SAMD5: variants seen among roughly 807,000 people sequenced by gnomAD.
SAMD5 encodes sterile alpha motif domain containing 5, also known as sterile alpha motif domain-containing protein 5.
A neutral mutation model predicts 11.3 loss-of-function variants in SAMD5; 13 were observed. The ratio of observed to expected loss-of-function variants is 1.15; its 90% CI spans 0.75 to 1.83. The LOEUF is 1.83. Ranked by LOEUF, SAMD5 falls within the 40% of genes most tolerant of loss-of-function variation. The probability of loss-of-function intolerance (pLI) is 0.00; values close to 1 mark genes in which losing one functional copy is unlikely to be tolerated. For missense variants in SAMD5, 255 were observed against 239.1 expected (o/e 1.07, Z -0.44); for synonymous variants, 129 against 111.3 (o/e 1.16, Z -1.00).
In SAMD5 at chr6:147,523,804, T is replaced by C. The variant is rs145096127; in HGVS notation, c.459+14417T>C. On this transcript the variant is annotated intron_variant, in intron 1 of 1. Transcript: ENST00000367474. ...CTAATCTGTTAATTACCTGCACAGCTGGTCCTGTAGTCACTGTCATTTATA... is the reference window on the plus strand; with the variant it reads ...CTAATCTGTTAATTACCTGCACAGCCGGTCCTGTAGTCACTGTCATTTATA... Among the ~76,000 whole-genome samples the C allele has an allele frequency of 4.1e-3, 618 of 152,318 alleles. 8 individuals carry two copies. The highest frequency in any genetic ancestry group is 2.8e-3 in the Non-Finnish European group (193 of 68,022).
the SAMD5 span, among the ~76,000 whole-genome samples, chr6:147,842,788 T>C: frequency 6.6e-6 from 1 of 152,234 alleles, no homozygotes; most frequent in African/African-American, 2.4e-5. Context: ...TATCTTGAAA[T>C]AGGCATTTGT....
the SAMD5 span, among the ~76,000 whole-genome samples, chr6:147,875,563 G>A: frequency 6.2e-4 from 94 of 152,246 alleles, no homozygotes; most frequent in African/African-American, 2.0e-3. Flanking sequence ...CCAGCCCCTG[G>A]TCTGTGGCCT....
At chr6:147,875,418 T>C in the SAMD5 span, among the ~76,000 whole-genome samples, 1 of 152,114 alleles carries the variant, frequency 6.6e-6, no homozygotes. Flanking sequence ...CCCACATGCC[T>C]CTAGTATGCA....
At chr6:147,853,676 AT>A in the SAMD5 span, among the ~76,000 whole-genome samples, 1 of 150,220 alleles carries the variant, frequency 6.7e-6, no homozygotes, top group South Asian at 2.1e-4. Flanking sequence ...CAAAAGCTTC[AT>A]TCATTAATTT....
chr6:147,619,028 C>A (rs976181688), intron 1 of SAMD5, among the ~76,000 whole-genome samples: 1 of 152,206 alleles, frequency 6.6e-6, no homozygotes. Flanking sequence ...TGGCCTTAAG[C>A]AGTCCTTCCT....
At chr6:147,784,064 C>T in the SAMD5 span, among the ~76,000 whole-genome samples, 1 of 152,172 alleles carries the variant, frequency 6.6e-6, no homozygotes, top group African/African-American at 2.4e-5. Flanking sequence ...TATCCTACTG[C>T]TTTCATTTCT....
chr6:147,706,218 T>A (rs1791323151), intron 1 of SAMD5, among the ~76,000 whole-genome samples: 1 of 151,972 alleles, frequency 6.6e-6, no homozygotes, highest in Admixed American at 6.6e-5. Flanking sequence ...CAAATCTGGG[T>A]TTTTTTGTTT....
At chr6:147,596,980 CT>C in intron 1 of SAMD5, among the ~76,000 whole-genome samples, 1 of 152,232 alleles carries the variant, frequency 6.6e-6, no homozygotes. Flanking sequence ...CATTTGAGGA[CT>C]TTTCTCTTGT....
chr6:147,924,407 C>T, the SAMD5 span, among the ~76,000 whole-genome samples: 4 of 152,202 alleles, frequency 2.6e-5, no homozygotes, highest in Admixed American at 2.6e-4. Context: ...TGTAATTTAA[C>T]CAAGTTATAA....
At chr6:147,776,754 A>T in the SAMD5 span, among the ~76,000 whole-genome samples, 4 of 152,180 alleles carry the variant, frequency 2.6e-5, no homozygotes, top group Non-Finnish European at 5.9e-5. Context: ...GTGACAAGGG[A>T]TGGAGAACAA....
intron 1 of SAMD5, among the ~76,000 whole-genome samples, chr6:147,696,886 G>A (rs1487257124): frequency 6.6e-6 from 1 of 152,142 alleles, no homozygotes; most frequent in Admixed American, 6.5e-5. Flanking sequence ...GGCCACTGGG[G>A]TAGAGATTAA....
chr6:147,886,909 T>A, the SAMD5 span, among the ~76,000 whole-genome samples: 1 of 152,182 alleles, frequency 6.6e-6, no homozygotes, highest in African/African-American at 2.4e-5. Flanking sequence ...CCAATAACTT[T>A]AGTGAGCTTG....
the SAMD5 span, among the ~76,000 whole-genome samples, chr6:147,950,421 C>T: frequency 6.6e-6 from 1 of 152,192 alleles, no homozygotes; most frequent in Non-Finnish European, 1.5e-5. Context: ...ACCCACTCAG[C>T]TGCATCAAGG....
At chr6:147,716,281 C>T (rs1441324263) in intron 1 of SAMD5, among the ~76,000 whole-genome samples, 3 of 152,246 alleles carry the variant, frequency 2.0e-5, no homozygotes, top group Non-Finnish European at 4.4e-5. Context: ...GTGCACACAT[C>T]TGGCTGGGCT....
At chr6:147,605,670 C>T (rs1789688696) in intron 1 of SAMD5, among the ~76,000 whole-genome samples, 1 of 152,124 alleles carries the variant, frequency 6.6e-6, no homozygotes, top group Non-Finnish European at 1.5e-5. Context: ...GACTTACCCC[C>T]TTTATGCTTT....
At chr6:147,838,198 T>C in the SAMD5 span, among the ~76,000 whole-genome samples, 5,447 of 152,250 alleles carry the variant, frequency 0.036, 137 homozygotes, top group African/African-American at 0.061. Context: ...TCAGCAAGTA[T>C]GGAACAGAAG....
At chr6:147,641,482 G>A (rs180768019) in intron 1 of SAMD5, among the ~76,000 whole-genome samples, 4 of 152,138 alleles carry the variant, frequency 2.6e-5, no homozygotes, top group South Asian at 4.2e-4. Context: ...GCAGGGGCAC[G>A]TCGCAGACAT....
intron 1 of SAMD5, among the ~76,000 whole-genome samples, chr6:147,554,762 G>C (rs1333665246): frequency 3.9e-5 from 6 of 152,102 alleles, no homozygotes; most frequent in Non-Finnish European, 8.8e-5. Context: ...CATTTGAATG[G>C]GCAGAATTCT....
chr6:147,936,940 C>G, the SAMD5 span, among the ~76,000 whole-genome samples: 1 of 152,100 alleles, frequency 6.6e-6, no homozygotes, highest in African/African-American at 2.4e-5. Flanking sequence ...TGGGCATGAA[C>G]AGGGACTGTG....
Sources: gnomAD v4.1 joint callset for allele counts (sites outside exome capture counted in the v4.1 genomes callset) on GRCh38, gnomAD v4.1.1 for gene constraint, MANE v1.5 for transcripts, NCBI Gene and HGNC (gene_info 2026-07-23, HGNC 2026-07-21) for gene names.